MLX: variants seen among roughly 807,000 people sequenced by gnomAD.
MLX encodes the protein MAX dimerization protein MLX, also known as max-like protein X.
Under a neutral mutation model 33.0 loss-of-function variants are expected in MLX, and 15 were observed. The observed-to-expected ratio is 0.45, with a 90% CI of 0.30 to 0.70. The LOEUF (loss-of-function observed/expected upper bound fraction) is 0.70, where lower values mean the gene tolerates loss of function less well. Among genes scored for constraint, MLX ranks in the 30% least tolerant of loss-of-function variants. MLX has a pLI of 0.07. For synonymous variants in MLX, 115 were observed against 115.6 expected, an observed-to-expected ratio of 0.99 and a Z score of 0.03; for missense variants, 285 against 306.3, an observed-to-expected ratio of 0.93 and a Z score of 0.52.
In MLX at chr17:42,572,757, T is replaced by C. The variant is rs1425267685; in HGVS notation, c.*1154T>C. 5 of 683,638 alleles carry C rather than the reference T, an allele frequency of 7.3e-6. No individual in the cohort carries two copies. In the East Asian group the frequency reaches 1.4e-4, roughly 19 times the overall value. The allele number at this position is 683,638 out of a possible 1,614,324, so 42.3% of individuals were successfully genotyped here. A position where few individuals can be genotyped will look rare whatever the true frequency, so the allele number is the denominator to read the frequency against. ...ATGTTAACCTCAAGCTACTGCAATT[T>C]AGACAATGAAATGGGCTGGGTCTAC... is the stretch of plus-strand genomic sequence containing the variant. On this transcript the variant is annotated 3_prime_UTR_variant, in exon 8 of 8. Transcript: ENST00000435881.
rs372509444 is a variant in MLX at position 42,567,663 on chromosome 17, G to A, written c.79+8G>A. On this transcript the variant is annotated splice_region_variant and intron_variant, in intron 2 of 7. Transcript: ENST00000435881. Reference sequence around the variant, plus strand: ...ACAACAGCCTGGACCCCGGTGAGTAGCTGCCCCATCTTAAGCTCTAGAGGG... The same window carrying A: ...ACAACAGCCTGGACCCCGGTGAGTAACTGCCCCATCTTAAGCTCTAGAGGG... The A allele has an allele frequency of 6.2e-7, 1 of 1,614,030 alleles. No homozygotes were observed. Among genetic ancestry groups the A allele is most frequent in the African/African-American group, 1.3e-5 (1 of 74,924 alleles).
chr17:42,570,334 C>A (rs1191034248), intron 7 of MLX, 151 bp downstream of exon 7: 2 of 707,822 alleles, frequency 2.8e-6, no homozygotes, highest in East Asian at 5.4e-5. Context: ...TTTCCCTTTT[C>A]TTTGCTGTCT....
chr17:42,571,557 A>G lies in MLX; in HGVS notation c.689A>G (p.Glu230Gly). Residue 230 changes from glutamate to glycine, a missense_variant, in exon 8 of 8, where the codon GAG becomes GGG. Coordinates refer to ENST00000435881, the MANE Select transcript of MLX (RefSeq NM_198204.2). ...TGCTGCCCTCGCCAGACCCTGCGGG[A>G]GATTGTGATTGGCGTCCTGCACCAA... ...EEHCKPQTLR[E>G]IVIGVLHQLK... 6.2e-7 allele frequency: 1 copy of G among 1,614,036 alleles called. No individual in the cohort carries two copies. The highest frequency in any genetic ancestry group is 8.5e-7 in the Non-Finnish European group (1 of 1,180,006).
At chr17:42,569,701 C>A in intron 6 of MLX, 95 bp downstream of exon 6, 2 of 957,704 alleles carry the variant, frequency 2.1e-6, no homozygotes, top group Non-Finnish European at 3.3e-6. Flanking sequence ...TACTGCTGTA[C>A]AGATAATACT....
At chr17:42,567,230 G>T in intron 1 of MLX, 64 bp downstream of exon 1, 1 of 1,314,846 alleles carries the variant, frequency 7.6e-7, no homozygotes, top group Non-Finnish European at 9.7e-7. Flanking sequence ...ACGTAGGGGG[G>T]CCGGAAGACG....
intron 6 of MLX, 92 bp from the exon 7 acceptor site, chr17:42,569,890 G>A (rs911899007): frequency 3.2e-6 from 4 of 1,250,680 alleles, no homozygotes; most frequent in South Asian, 2.5e-5. Flanking sequence ...CTCTGGGGCT[G>A]CCATTCCTGG....
chr17:42,570,677 CG>C (rs1351918952), intron 7 of MLX, among the ~76,000 whole-genome samples: 4 of 151,464 alleles, frequency 2.6e-5, no homozygotes, highest in Admixed American at 1.3e-4. Flanking sequence ...TTTTTTGAGA[CG>C]GGAGTCTCGT....
Position 42,567,608 on chromosome 17 carries a change from C to T in MLX, c.43-11C>T. ...AGGTCTGACGGGCCCTTCCCGTGCT[C>T]TGTGCCGCAGGTGGAGTATGCCTAC... On this transcript the variant is annotated splice_polypyrimidine_tract_variant and intron_variant, in intron 1 of 7. Transcript: ENST00000435881. 1.2e-6 allele frequency: 2 copies of T among 1,614,060 alleles called. No homozygotes were observed. Among genetic ancestry groups the T allele is most frequent in the Non-Finnish European group, 1.7e-6 (2 of 1,179,982 alleles).
intron 6 of MLX, 48 bp downstream of exon 6, chr17:42,569,654 C>T (rs906315903): frequency 7.3e-7 from 1 of 1,377,476 alleles, no homozygotes; most frequent in Admixed American, 1.7e-5. Context: ...GAGGCAACTT[C>T]ATTGCACACC....
At chr17:42,569,116 A>T in intron 4 of MLX, 88 bp from the exon 5 acceptor site, 1 of 1,382,956 alleles carries the variant, frequency 7.2e-7, no homozygotes, top group Non-Finnish European at 1.0e-6. Context: ...GTTTGTGAGC[A>T]TAGAACTTGG....
In MLX at chr17:42,572,079, ATATT is replaced by A. The variant is rs2093035949; in HGVS notation, c.*477_*480del. 3.8e-6 allele frequency: 1 copy of A among 261,544 alleles called. No individual in the cohort carries two copies. The highest frequency in any genetic ancestry group is 2.3e-5 in the African/African-American group (1 of 44,034). 16.2% of individuals were successfully genotyped at this position (261,544 alleles called of 1,614,324 possible). A position where few individuals can be genotyped will look rare whatever the true frequency, so the allele number is the denominator to read the frequency against. Reference sequence around the variant, plus strand: ...TATGGGAGAAAAAGAGTAAGAGGAAATATTCCCACAGCCATGAAGGGTGAAAGGG... The same window carrying A: ...TATGGGAGAAAAAGAGTAAGAGGAAACCCACAGCCATGAAGGGTGAAAGGG... On this transcript the variant is annotated 3_prime_UTR_variant, in exon 8 of 8. Transcript: ENST00000435881.
chr17:42,572,792 C>T lies in MLX; in HGVS notation c.*1189C>T. 3.9e-6 allele frequency: 3 copies of T among 768,430 alleles called. No homozygotes were observed. The highest frequency in any genetic ancestry group is 4.5e-6 in the Non-Finnish European group (2 of 445,414). The allele number at this position is 768,430 out of a possible 1,614,324, so 47.6% of individuals were successfully genotyped here. ...AATGGGCTGGGTCTACCCCCAGCCA[C>T]CAGCCCTCATCCTCTCTACCCAGTG... is the stretch of plus-strand genomic sequence containing the variant. On this transcript the variant is annotated 3_prime_UTR_variant, in exon 8 of 8. Transcript: ENST00000435881.
At chr17:42,569,342 C>A (rs632758) in intron 5 of MLX, 39 bp downstream of exon 5, 894,610 of 1,595,132 alleles carry the variant, frequency 0.56, 253,306 homozygotes, top group African/African-American at 0.68. Flanking sequence ...TGGAGCCAAG[C>A]GGGGCTGTGA....
intron 7 of MLX, 104 bp downstream of exon 7, chr17:42,570,287 C>A: frequency 8.9e-7 from 1 of 1,118,112 alleles, no homozygotes; most frequent in Non-Finnish European, 1.3e-6. Flanking sequence ...GCTTTTAGAT[C>A]TTAAGGGCGT....
At chr17:42,571,118 A>C (rs2093030054) in intron 7 of MLX, among the ~76,000 whole-genome samples, 1 of 149,864 alleles carries the variant, frequency 6.7e-6, no homozygotes. Flanking sequence ...TAAACTGCAG[A>C]CATCAGTACT....
At chr17:42,567,718 G>A in intron 2 of MLX, 63 bp downstream of exon 2, 1 of 1,610,324 alleles carries the variant, frequency 6.2e-7, no homozygotes, top group South Asian at 1.1e-5. Flanking sequence ...CTAGATTCTT[G>A]TGGCGTTGCC....
chr17:42,570,876 C>T (rs573118535), intron 7 of MLX, among the ~76,000 whole-genome samples: 15 of 152,004 alleles, frequency 9.9e-5, no homozygotes, highest in South Asian at 6.2e-4. Flanking sequence ...AGGATGGTCT[C>T]GATCTCCTGA....
At position 42,573,198 on chromosome 17, in the gene MLX, T is replaced by A. The variant is rs752165661; in HGVS notation, c.*1595T>A. 2.5e-6 allele frequency: 4 copies of A among 1,614,186 alleles called. No homozygotes were observed. The East Asian group carries it at 8.9e-5, about 36-fold the overall frequency. ...AGAAATAAAACCACCCGTTTTCAGATGGGCAGCACTGGGCACTGCCTGTCA... is the reference window on the plus strand; with the variant it reads ...AGAAATAAAACCACCCGTTTTCAGAAGGGCAGCACTGGGCACTGCCTGTCA... On this transcript the variant is annotated 3_prime_UTR_variant, in exon 8 of 8. Transcript: ENST00000435881.
At position 42,569,296 on chromosome 17, in the gene MLX, A is replaced by G. The variant is rs1387062427; in HGVS notation, c.369A>G (p.Leu123=). 1 of 1,613,832 alleles carries G rather than the reference A, an allele frequency of 6.2e-7. No homozygotes were observed. The highest frequency in any genetic ancestry group is 8.5e-7 in the Non-Finnish European group (1 of 1,179,720). The change falls in exon 5 of 8, where the codon CTA becomes CTG. Residue 123 remains leucine (L), a synonymous_variant. Transcript: ENST00000435881. ...GSQKLSKAIV[L]QKTIDYIQFL... ...AAAAGCTCAGCAAAGCCATCGTTCTACAAAAGAGTATGGCTAGGGAAAGCA... is the reference window on the plus strand; with the variant it reads ...AAAAGCTCAGCAAAGCCATCGTTCTGCAAAAGAGTATGGCTAGGGAAAGCA...
Sources: gnomAD v4.1 joint callset for allele counts (sites outside exome capture counted in the v4.1 genomes callset) on GRCh38, gnomAD v4.1.1 for gene constraint, MANE v1.5 for transcripts, NCBI Gene and HGNC (gene_info 2026-07-23, HGNC 2026-07-21) for gene names.